Variants in ITPK1 observed in about 807,000 individuals in gnomAD.
ITPK1 encodes inositol-tetrakisphosphate 1-kinase, also known as inositol 1,3,4-trisphosphate 5/6-kinase.
ITPK1 carries 21 observed loss-of-function variants against 45.3 expected under a neutral mutation model. The ratio of observed to expected loss-of-function variants is 0.46; its 90% CI spans 0.33 to 0.67. The LOEUF is 0.67. Among genes scored for constraint, ITPK1 ranks in the 30% least tolerant of loss-of-function variants. The pLI, the probability that ITPK1 is intolerant of heterozygous loss-of-function variation, is 0.02. For missense variants in ITPK1, 474 were observed against 573.5 expected, an observed-to-expected ratio of 0.83 and a Z score of 1.77; for synonymous variants, 258 against 253.6, an observed-to-expected ratio of 1.02 and a Z score of -0.16.
intron 2 of ITPK1, among the ~76,000 whole-genome samples, chr14:93,113,069 G>A (rs1892813425): frequency 2.0e-5 from 3 of 152,232 alleles, no homozygotes; most frequent in African/African-American, 7.2e-5. Context: ...TTAGGCTTAA[G>A]TGATAAAATA....
intron 7 of ITPK1, 23 bp downstream of exon 7, chr14:92,962,332 C>T (rs1290323247): frequency 7.6e-6 from 12 of 1,580,258 alleles, no homozygotes; most frequent in Non-Finnish European, 9.6e-6. Flanking sequence ...TCAGGGACAA[C>T]AGTCAGATCT....
rs199744063 is a variant in ITPK1, at chr14:92,941,777, G to C, written c.1029C>G (p.Ala343=). ...VALLRHSKLL[A]EPAGGLVGER... The stretch of plus-strand genomic sequence containing the variant: ...CGCCCACCAGGCCGCCCGCCGGCTC[G>C]GCCAGAAGCTTGCTGTGCCTCAGCA... Residue 343 remains alanine (A), a synonymous_variant, in exon 11 of 11, where the codon GCC becomes GCG. Coordinates refer to ENST00000267615, the MANE Select transcript of ITPK1 (RefSeq NM_014216.6). The C allele has an allele frequency of 8.1e-6, 13 of 1,608,572 alleles. No individual in the cohort carries two copies. Among genetic ancestry groups the C allele is most frequent in the Non-Finnish European group, 1.0e-5 (12 of 1,178,670 alleles).
Position 93,016,745 on chromosome 14 carries a change from C to T in ITPK1, c.177G>A (p.Lys59=). The T allele has an allele frequency of 6.2e-7, 1 of 1,614,152 alleles. No individual in the cohort carries two copies. The highest frequency in any genetic ancestry group is 8.5e-7 in the Non-Finnish European group (1 of 1,180,006). The part of the protein sequence containing the change: ...EQGPLDVIIH[K]LTDVILEADQ... ...CGGCTTCAAGGATGACGTCAGTCAG[C>T]TTGTGGATGATGACGTCCAGGGGGC... Residue 59 remains lysine, a synonymous_variant, in exon 4 of 11, where the codon AAG becomes AAA. Coordinates refer to ENST00000267615, the MANE Select transcript of ITPK1 (RefSeq NM_014216.6). This position sits in a 1 kb window ranked among gnomAD's most constrained non-coding sequence, Gnocchi z 5.0.
chr14:93,024,877 T>C lies in ITPK1; in HGVS notation c.121-8076A>G, dbSNP rs776679978. Among the ~76,000 whole-genome samples, 23 of 150,948 alleles carry C rather than the reference T, an allele frequency of 1.5e-4. No individual in the cohort carries two copies. The Middle Eastern group carries it at 0.01, about 67-fold the overall frequency. The stretch of plus-strand genomic sequence containing the variant: ...CTTCTGCCTTCATCAGGAAGGGGAG[T>C]GGGCCGACAACACAGCTGGCTAGAC... On this transcript the variant is annotated intron_variant, in intron 3 of 10. Transcript: ENST00000267615.
At chr14:93,108,461 G>A (rs1021615964) in intron 2 of ITPK1, among the ~76,000 whole-genome samples, 5 of 152,192 alleles carry the variant, frequency 3.3e-5, no homozygotes, top group African/African-American at 1.2e-4. Flanking sequence ...GGTAAAGGCA[G>A]GATGGCCCAG....
chr14:93,040,855 A>C (rs921458199), intron 3 of ITPK1, among the ~76,000 whole-genome samples: 9 of 152,128 alleles, frequency 5.9e-5, no homozygotes, highest in African/African-American at 2.2e-4. Flanking sequence ...TCCTGGCTCC[A>C]TCACCTGGAT....
chr14:93,066,540 GACT>G (rs1391442679), intron 3 of ITPK1, among the ~76,000 whole-genome samples: 7 of 151,990 alleles, frequency 4.6e-5, no homozygotes, highest in Non-Finnish European at 1.0e-4. Flanking sequence ...GAGTAGCTGG[GACT>G]ACAGGCACCT....
At chr14:92,992,052 C>T (rs1886817169) in intron 5 of ITPK1, among the ~76,000 whole-genome samples, 1 of 152,222 alleles carries the variant, frequency 6.6e-6, no homozygotes, top group Non-Finnish European at 1.5e-5. Flanking sequence ...AGAGCCCAGA[C>T]AGGAACCCAC....
chr14:93,062,808 C>G (rs1049966141), intron 3 of ITPK1, among the ~76,000 whole-genome samples: 2 of 152,182 alleles, frequency 1.3e-5, no homozygotes, highest in African/African-American at 4.8e-5. Flanking sequence ...TACCATACAC[C>G]AAGGCGTTTC....
At chr14:93,023,967 T>C (rs972568939) in intron 3 of ITPK1, among the ~76,000 whole-genome samples, 7 of 152,148 alleles carry the variant, frequency 4.6e-5, no homozygotes, top group Non-Finnish European at 8.8e-5. Context: ...TCAGAGCTGA[T>C]AGGAGCTAAC....
intron 3 of ITPK1, among the ~76,000 whole-genome samples, chr14:93,046,773 A>G (rs765035077): frequency 7.6e-4 from 116 of 152,280 alleles, no homozygotes; most frequent in African/African-American, 2.5e-3. Flanking sequence ...GCAGCAAACG[A>G]TGGTTCATTA....
At chr14:92,995,609 C>T (rs1016741279) in intron 4 of ITPK1, among the ~76,000 whole-genome samples, 34 of 152,300 alleles carry the variant, frequency 2.2e-4, no homozygotes, top group African/African-American at 7.5e-4. Context: ...GGGGAGGCCT[C>T]GCATTCCAGT....
chr14:93,006,974 T>C (rs548694744), intron 4 of ITPK1, among the ~76,000 whole-genome samples: 25 of 152,194 alleles, frequency 1.6e-4, no homozygotes, highest in Non-Finnish European at 2.6e-4. Context: ...TGCCACATGC[T>C]GTGTCACAGC....
chr14:93,020,542 C>T (rs1344636031), intron 3 of ITPK1, among the ~76,000 whole-genome samples: 2 of 152,218 alleles, frequency 1.3e-5, no homozygotes, highest in South Asian at 2.1e-4. Flanking sequence ...TCAGCCCAAA[C>T]AGGAAGAATT....
intron 4 of ITPK1, among the ~76,000 whole-genome samples, chr14:93,001,783 C>G (rs1438688252): frequency 6.6e-6 from 1 of 152,222 alleles, no homozygotes; most frequent in African/African-American, 2.4e-5. Context: ...TTTCACTCCC[C>G]TGGCTCCTCC....
chr14:93,045,923 C>A (rs926572077), intron 3 of ITPK1, among the ~76,000 whole-genome samples: 1 of 152,150 alleles, frequency 6.6e-6, no homozygotes. Context: ...AAATGAGGAC[C>A]CACGTTGCCT....
At chr14:93,005,971 G>A (rs563293848) in intron 4 of ITPK1, among the ~76,000 whole-genome samples, 3 of 152,314 alleles carry the variant, frequency 2.0e-5, no homozygotes, top group Admixed American at 1.3e-4. Context: ...GCTGTGCAGC[G>A]AGGAAGACTG....
intron 4 of ITPK1, among the ~76,000 whole-genome samples, chr14:93,009,252 T>C (rs1211404451): frequency 6.6e-6 from 1 of 152,142 alleles, no homozygotes; most frequent in African/African-American, 2.4e-5. Flanking sequence ...TTCTAAAACT[T>C]TGGGGAAAAT....
At chr14:93,040,671 C>T (rs943887447) in intron 3 of ITPK1, among the ~76,000 whole-genome samples, 2 of 152,160 alleles carry the variant, frequency 1.3e-5, no homozygotes, top group South Asian at 2.1e-4. Flanking sequence ...CCATTCAATG[C>T]CCCCCTCTCC....
Sources: gnomAD v4.1 joint callset for allele counts (sites outside exome capture counted in the v4.1 genomes callset) on GRCh38, gnomAD v4.1.1 for gene constraint, Gnocchi (gnomAD v3.1) non-coding constraint, MANE v1.5 for transcripts, NCBI Gene and HGNC (gene_info 2026-07-23, HGNC 2026-07-21) for gene names.